The following PTPRR variants were observed in gnomAD, a reference collection of about 807,000 sequenced individuals.
PTPRR encodes protein tyrosine phosphatase receptor type R, also known as receptor-type tyrosine-protein phosphatase R.
PTPRR carries 38 observed loss-of-function variants against 77.2 expected under a neutral mutation model. That is an observed-to-expected ratio of 0.49 (90% CI 0.38 to 0.65). The LOEUF (loss-of-function observed/expected upper bound fraction) is 0.65. Among genes scored for constraint, PTPRR ranks in the 30% least tolerant of loss-of-function variants. The pLI is 0.00. For missense variants in PTPRR, 744 were observed against 799.2 expected, an observed-to-expected ratio of 0.93 and a Z score of 0.83; for synonymous variants, 299 against 283.1, an observed-to-expected ratio of 1.06 and a Z score of -0.57.
In PTPRR at chr12:70,892,695, G is replaced by T; in HGVS notation, c.341C>A (p.Ala114Glu). ...LEVENLPIPA[A>E]NVIVVTLQMD... ...ACTACTTACCACCACAATTACATTT[G>T]CTGCTGGGATTGGGAGATTTTCCAC... The change falls in exon 2 of 14, where the codon GCA becomes GAA. Residue 114 changes from alanine to glutamate, a missense_variant. Ala to Glu is a moderately radical substitution (Grantham distance 107). Transcript: ENST00000283228. 6.2e-7 allele frequency: 1 copy of T among 1,613,094 alleles called. No homozygotes were observed. Among genetic ancestry groups the T allele is most frequent in the South Asian group, 1.1e-5 (1 of 91,048 alleles).
Position 70,859,026 on chromosome 12 carries a change from G to C in PTPRR, c.357+33653C>G, listed in dbSNP as rs149319072. ...CTTATTTAAATAAATGGCACCAAAG[G>C]CTTGAGCATTGGTTTCTTAAGCACC... is the stretch of plus-strand genomic sequence containing the variant. On this transcript the variant is annotated intron_variant, in intron 2 of 13. Transcript: ENST00000283228. Among the ~76,000 whole-genome samples, 102 of 151,840 alleles carry C rather than the reference G, an allele frequency of 6.7e-4. No individual in the cohort carries two copies. The East Asian group carries it at 0.016, about 24-fold the overall frequency.
intron 4 of PTPRR, among the ~76,000 whole-genome samples, chr12:70,757,152 A>G (rs1428478087): frequency 6.6e-6 from 1 of 152,220 alleles, no homozygotes; most frequent in Non-Finnish European, 1.5e-5. Context: ...CCTAGTTTGA[A>G]GGAATAATCA....
At chr12:70,706,531 G>A (rs1888625699) in intron 6 of PTPRR, among the ~76,000 whole-genome samples, 1 of 152,042 alleles carries the variant, frequency 6.6e-6, no homozygotes, top group East Asian at 1.9e-4. Context: ...CATTTTTAGT[G>A]TAGGAAATGA....
Position 70,920,665 on chromosome 12 carries a change from G to C in PTPRR, c.-275C>G, listed in dbSNP as rs2137145799. ...TGCCTGGCCTTCTGGACGCCCAGAAGCCAAGGCGGAGACGGCAGGGTGGAC... is the reference window on the plus strand; with the variant it reads ...TGCCTGGCCTTCTGGACGCCCAGAACCCAAGGCGGAGACGGCAGGGTGGAC... On this transcript the variant is annotated 5_prime_UTR_variant, in exon 1 of 14. Coordinates refer to ENST00000283228, the MANE Select transcript of PTPRR (RefSeq NM_002849.4). The C allele has an allele frequency of 5.4e-6, 2 of 371,042 alleles. No homozygotes were observed. The highest frequency in any genetic ancestry group is 1.0e-4 in the East Asian group (2 of 19,918). 23.0% of individuals were successfully genotyped at this position (371,042 alleles called of 1,614,324 possible).
intron 2 of PTPRR, among the ~76,000 whole-genome samples, chr12:70,770,253 C>T (rs966483621): frequency 1.3e-5 from 2 of 151,012 alleles, no homozygotes; most frequent in Non-Finnish European, 3.0e-5. Flanking sequence ...TTTTCGCAAC[C>T]TACTCATCTG....
Position 70,701,197 on chromosome 12 carries a change from G to A in PTPRR, c.1134C>T (p.Leu378=), listed in dbSNP as rs375610743. Residue 378 remains leucine (L), a synonymous_variant, in exon 7 of 14, where the codon CTC becomes CTT. Coordinates refer to ENST00000283228, the MANE Select transcript of PTPRR (RefSeq NM_002849.4). The part of the protein sequence containing the change: ...MEYLQSASRI[L]TRSQLRDVVA... ...CGACGTCCCTCAGCTGAGACCTTGT[G>A]AGAATTCGGCTGGCTGACTGCAGAT... 9.1e-5 allele frequency: 147 copies of A among 1,613,846 alleles called. No homozygotes were observed. Among genetic ancestry groups the A allele is most frequent in the Admixed American group, 3.2e-4 (19 of 59,932 alleles).
intron 5 of PTPRR, 66 bp from the exon 6 acceptor site, chr12:70,746,152 C>G: frequency 2.8e-6 from 4 of 1,450,370 alleles, no homozygotes; most frequent in Non-Finnish European, 3.7e-6. Context: ...ATGATCTCCT[C>G]CACCCCACCC....
intron 2 of PTPRR, among the ~76,000 whole-genome samples, chr12:70,802,600 G>A: frequency 6.6e-6 from 1 of 152,136 alleles, no homozygotes; most frequent in East Asian, 1.9e-4. Context: ...AGATTATATT[G>A]TCTTATCTCT....
chr12:70,700,999 G>A (rs1888401160), intron 7 of PTPRR, 138 bp downstream of exon 7: 1 of 841,564 alleles, frequency 1.2e-6, no homozygotes, highest in Non-Finnish European at 1.9e-6. Context: ...ATGAGACTGA[G>A]TGAATCTAAA....
At position 70,641,912 on chromosome 12, in the gene PTPRR, C is replaced by G. The variant is rs558334418; in HGVS notation, c.1881-2635G>C. On this transcript the variant is annotated intron_variant, in intron 13 of 13. Coordinates refer to ENST00000283228, the MANE Select transcript of PTPRR (RefSeq NM_002849.4). ...AAGGCTGGAAAACAGCCATCAAAGT[C>G]CTATAATCTTTTCTTCTTTAGACTA... Among the ~76,000 whole-genome samples the G allele has an allele frequency of 5.1e-4, 78 of 152,314 alleles. 1 individual carries two copies. Among genetic ancestry groups the G allele is most frequent in the Non-Finnish European group, 9.7e-4 (66 of 68,036 alleles).
At chr12:70,856,664 C>T (rs1353185463) in intron 2 of PTPRR, among the ~76,000 whole-genome samples, 2 of 152,168 alleles carry the variant, frequency 1.3e-5, no homozygotes, top group Non-Finnish European at 2.9e-5. Flanking sequence ...TTGGAGGACA[C>T]TGTGCTAAAC....
intron 2 of PTPRR, among the ~76,000 whole-genome samples, chr12:70,811,602 A>G (rs1891810122): frequency 6.6e-6 from 1 of 152,224 alleles, no homozygotes; most frequent in Non-Finnish European, 1.5e-5. Flanking sequence ...CTTTCATTGT[A>G]TATTCGCAGG....
chr12:70,647,836 A>G (rs1219986483), intron 13 of PTPRR, among the ~76,000 whole-genome samples: 1 of 152,220 alleles, frequency 6.6e-6, no homozygotes, highest in African/African-American at 2.4e-5. Context: ...TGAGCAAAAT[A>G]TCCCTTTTGC....
chr12:70,810,313 A>G (rs575735689), intron 2 of PTPRR, among the ~76,000 whole-genome samples: 1 of 152,346 alleles, frequency 6.6e-6, no homozygotes, highest in East Asian at 1.9e-4. Context: ...GAAGTCAGGT[A>G]TAAAATGTCA....
intron 1 of PTPRR, among the ~76,000 whole-genome samples, chr12:70,893,753 T>C (rs1893378614): frequency 1.3e-5 from 2 of 151,866 alleles, no homozygotes; most frequent in Non-Finnish European, 2.9e-5. Context: ...TCAAAGATGG[T>C]AGAGCACTAA....
intron 6 of PTPRR, among the ~76,000 whole-genome samples, chr12:70,711,128 C>T (rs4760892): frequency 0.84 from 126,950 of 151,906 alleles, 53,419 homozygotes; most frequent in East Asian, 1. Context: ...AGCAAAGACA[C>T]GGAATCAACA....
chr12:70,668,087 C>A (rs1173860841), intron 10 of PTPRR, among the ~76,000 whole-genome samples: 1 of 152,104 alleles, frequency 6.6e-6, no homozygotes, highest in African/African-American at 2.4e-5. Context: ...AGATTTCTAA[C>A]CTTGAATGTA....
intron 10 of PTPRR, chr12:70,673,070 T>G: frequency 2.6e-6 from 3 of 1,138,986 alleles, no homozygotes; most frequent in South Asian, 3.2e-5. Context: ...AAGAAATATA[T>G]ATTTGACTTA....
intron 2 of PTPRR, among the ~76,000 whole-genome samples, chr12:70,834,066 C>T (rs1229032974): frequency 6.6e-6 from 1 of 152,132 alleles, no homozygotes; most frequent in Non-Finnish European, 1.5e-5. Context: ...GCTTGGGCTA[C>T]AGTTAACTGA....
Sources: gnomAD v4.1 joint callset for allele counts (sites outside exome capture counted in the v4.1 genomes callset) on GRCh38, gnomAD v4.1.1 for gene constraint, MANE v1.5 for transcripts, NCBI Gene and HGNC (gene_info 2026-07-23, HGNC 2026-07-21) for gene names.